Variants in PLCE1 observed in about 807,000 individuals in gnomAD.
The protein encoded by PLCE1 is phospholipase C epsilon 1, also known as 1-phosphatidylinositol 4,5-bisphosphate phosphodiesterase epsilon-1.
Under a neutral mutation model 242.8 loss-of-function variants are expected in PLCE1, and 119 were observed. The observed-to-expected ratio is 0.49, with a 90% CI of 0.42 to 0.57. PLCE1 has a LOEUF of 0.57. PLCE1 is among the 20% of genes least tolerant of loss of function. The pLI is 0.00. For missense variants in PLCE1, 2,441 were observed against 2,788.8 expected (o/e 0.88, Z 2.81); for synonymous variants, 945 against 1,017.4 (o/e 0.93, Z 1.35).
intron 2 of PLCE1, among the ~76,000 whole-genome samples, chr10:94,064,391 A>C (rs2044142813): frequency 6.6e-6 from 1 of 152,102 alleles, no homozygotes; most frequent in Admixed American, 6.6e-5. Context: ...TCTCTACAAA[A>C]AATTAGCTGG....
rs77194756 is a variant in PLCE1, at chr10:93,998,975, G to A, written c.-365+4717G>A. 1.4e-4 allele frequency among the ~76,000 whole-genome samples: 21 copies of A among 152,266 alleles called. No individual in the cohort carries two copies. In the East Asian group the frequency reaches 4.1e-3, roughly 29 times the overall value. On this transcript the variant is annotated intron_variant, in intron 1 of 32. Transcript: ENST00000371380. ...AGCCTCTAGAAGCTGGAAAAGGAGA[G>A]AAAATGAGTTCTTTCCTAGAGCCTC...
At chr10:94,276,446 A>T (rs1335301688) in intron 19 of PLCE1, among the ~76,000 whole-genome samples, 1 of 152,214 alleles carries the variant, frequency 6.6e-6, no homozygotes, top group East Asian at 1.9e-4. Context: ...TGAAAAACAG[A>T]TTCTAAGGTC....
intron 1 of PLCE1, among the ~76,000 whole-genome samples, chr10:94,004,407 G>A (rs1336046716): frequency 2.6e-5 from 4 of 151,988 alleles, no homozygotes; most frequent in Non-Finnish European, 5.9e-5. Flanking sequence ...AAAGCTTAAG[G>A]GGGGAAAAAG....
intron 5 of PLCE1, among the ~76,000 whole-genome samples, chr10:94,233,776 C>T (rs531886046): frequency 6.6e-6 from 1 of 151,978 alleles, no homozygotes; most frequent in East Asian, 1.9e-4. Context: ...GGCGAAACCC[C>T]GTCTCTACTA....
At chr10:94,162,544 C>T (rs1178364127) in intron 3 of PLCE1, among the ~76,000 whole-genome samples, 14 of 152,060 alleles carry the variant, frequency 9.2e-5, no homozygotes, top group Non-Finnish European at 1.5e-5. Flanking sequence ...ATTCTTCTCT[C>T]TTTTCTTTTT....
At chr10:94,086,381 T>C (rs956343863) in intron 2 of PLCE1, among the ~76,000 whole-genome samples, 2 of 152,220 alleles carry the variant, frequency 1.3e-5, no homozygotes, top group Non-Finnish European at 2.9e-5. Flanking sequence ...TCTGATTTGC[T>C]TGTAAGCCAA....
intron 4 of PLCE1, among the ~76,000 whole-genome samples, chr10:94,205,053 G>A (rs910162907): frequency 6.6e-6 from 1 of 152,178 alleles, no homozygotes; most frequent in African/African-American, 2.4e-5. Context: ...TGAATACCTG[G>A]TATGACTTTT....
In PLCE1 at chr10:94,031,329, A is replaced by C. The variant is rs779712636; in HGVS notation, c.283A>C (p.Met95Leu). 1 of 1,613,926 alleles carries C rather than the reference A, an allele frequency of 6.2e-7. No individual in the cohort carries two copies. The highest frequency in any genetic ancestry group is 1.7e-5 in the Admixed American group (1 of 59,988). ...NSNEKCWEKI[M>L]PDSAKNLNIN... is the part of the protein sequence containing the mutation. The stretch of plus-strand genomic sequence containing the variant: ...TAATGAAAAATGTTGGGAGAAAATC[A>C]TGCCAGATTCTGCGAAAAACCTTAA... Residue 95 changes from methionine to leucine, a missense_variant, in exon 2 of 33, where the codon ATG becomes CTG. This residue lies in a region of PLCE1 where 393 missense variants were observed against 378.5 expected (regional missense o/e 1.04). Coordinates refer to ENST00000371380, the MANE Select transcript of PLCE1 (RefSeq NM_016341.4).
intron 4 of PLCE1, among the ~76,000 whole-genome samples, chr10:94,179,530 T>TGTTTTTTTTTGTTTTTGA (rs1554877547): frequency 8.4e-6 from 1 of 118,826 alleles, no homozygotes; most frequent in African/African-American, 3.2e-5. Flanking sequence ...TTTTTTTTTT[T>TGTTTTTTTTTGTTTTTGA]GACAGGGTCT....
chr10:94,150,081 A>T (rs922221966), intron 3 of PLCE1, among the ~76,000 whole-genome samples: 8 of 152,196 alleles, frequency 5.3e-5, no homozygotes, highest in Non-Finnish European at 1.2e-4. Context: ...GCTAACTTTC[A>T]TGTGCTTATA....
chr10:94,321,643 A>C lies in PLCE1; in HGVS notation c.6343-258A>C, dbSNP rs540409361. On this transcript the variant is annotated intron_variant, in intron 29 of 32. Coordinates refer to ENST00000371380, the MANE Select transcript of PLCE1 (RefSeq NM_016341.4). ...ACTCCATCTCAGAAAAAAAAAAAAA[A>C]AAACCCACAGCTAATAGGAGCAGAT... Among the ~76,000 whole-genome samples, 276 of 152,048 alleles carry C rather than the reference A, an allele frequency of 1.8e-3. 1 individual carries two copies. Among genetic ancestry groups the C allele is most frequent in the Admixed American group, 3.5e-3 (53 of 15,282 alleles).
At position 94,227,455 on chromosome 10, in the gene PLCE1, T is replaced by C. The variant is rs1185963556; in HGVS notation, c.1955+4T>C. 6 of 1,613,258 alleles carry C rather than the reference T, an allele frequency of 3.7e-6. No homozygotes were observed. Among genetic ancestry groups the C allele is most frequent in the Non-Finnish European group, 5.1e-6 (6 of 1,179,310 alleles). ...TGGAGTTCTTGGCTGGCCTCAGGTA[T>C]AGTCAGTGGGGAATATGGTTATCTT... On this transcript the variant is annotated splice_donor_region_variant and intron_variant, in intron 5 of 32. Coordinates refer to ENST00000371380, the MANE Select transcript of PLCE1 (RefSeq NM_016341.4).
chr10:94,297,294 G>A (rs1320015273), intron 23 of PLCE1, among the ~76,000 whole-genome samples: 3 of 152,098 alleles, frequency 2.0e-5, no homozygotes, highest in Admixed American at 6.5e-5. Context: ...GAGGCACAAG[G>A]AGAGGGAGGG....
intron 29 of PLCE1, 66 bp downstream of exon 29, chr10:94,316,822 C>T: frequency 8.5e-7 from 1 of 1,172,134 alleles, no homozygotes; most frequent in South Asian, 1.2e-5. Context: ...TTACCACTCA[C>T]AACCTCCCTG....
chr10:94,306,803 TAAG>T lies in PLCE1; in HGVS notation c.5884+119_5884+121del. 2.3e-6 allele frequency: 2 copies of T among 868,042 alleles called. No homozygotes were observed. The allele number at this position is 868,042 out of a possible 1,614,324, so 53.8% of individuals were successfully genotyped here. On this transcript the variant is annotated intron_variant, in intron 26 of 32. Transcript: ENST00000371380. The surrounding 1 kb of genome is among the most constrained non-coding windows in gnomAD (Gnocchi z 5.7). ...ACATTTTCCTATAAAGAAGTTGAAT[TAAG>T]AAGCAAAAGGAAATACAAATTGGAG...
At chr10:94,284,254 C>A (rs537537414) in intron 21 of PLCE1, among the ~76,000 whole-genome samples, 1 of 152,140 alleles carries the variant, frequency 6.6e-6, no homozygotes, top group Non-Finnish European at 1.5e-5. Flanking sequence ...AGGACAGGCT[C>A]TCAGGGAAGA....
At chr10:94,165,490 A>C (rs2047767416) in intron 3 of PLCE1, among the ~76,000 whole-genome samples, 1 of 152,114 alleles carries the variant, frequency 6.6e-6, no homozygotes, top group South Asian at 2.1e-4. Flanking sequence ...GAAATCATTC[A>C]TCTTCTGTGT....
At chr10:94,157,841 G>C (rs1471533352) in intron 3 of PLCE1, among the ~76,000 whole-genome samples, 5 of 152,162 alleles carry the variant, frequency 3.3e-5, no homozygotes. Context: ...GTGATTTCAA[G>C]ATGCTGGACT....
chr10:94,186,572 G>A (rs1169221747), intron 4 of PLCE1, among the ~76,000 whole-genome samples: 2 of 152,086 alleles, frequency 1.3e-5, no homozygotes, highest in Non-Finnish European at 1.5e-5. Flanking sequence ...CAAATTGTTG[G>A]TAAAAATGTC....
Sources: allele counts gnomAD v4.1 joint callset (sites outside exome capture counted in the v4.1 genomes callset), GRCh38; gene constraint gnomAD v4.1.1; regional missense constraint gnomAD v4.1.1; non-coding constraint Gnocchi (gnomAD v3.1); transcripts MANE v1.5; gene names NCBI Gene and HGNC (gene_info 2026-07-23, HGNC 2026-07-21).